BTRC: variants seen among roughly 807,000 people sequenced by gnomAD.
The protein encoded by BTRC is F-box/WD repeat-containing protein 1A.
A neutral mutation model predicts 85.5 loss-of-function variants in BTRC; 42 were observed. That is an observed-to-expected ratio of 0.49 (90% confidence interval 0.38 to 0.64). The LOEUF is 0.64. BTRC is among the 30% of genes least tolerant of loss of function. BTRC has a pLI of 0.00. For synonymous variants in BTRC, 255 were observed against 263.3 expected, an observed-to-expected ratio of 0.97 and a Z score of 0.30; for missense variants, 594 against 743.5, an observed-to-expected ratio of 0.80 and a Z score of 2.34.
chr10:101,363,935 T>G (rs1255275373), intron 1 of BTRC, among the ~76,000 whole-genome samples: 2 of 152,166 alleles, frequency 1.3e-5, no homozygotes, highest in Admixed American at 1.3e-4. Flanking sequence ...AATCACAAAA[T>G]ACCAGCATCT....
At chr10:101,413,639 G>T (rs548708981) in intron 1 of BTRC, among the ~76,000 whole-genome samples, 1 of 152,154 alleles carries the variant, frequency 6.6e-6, no homozygotes, top group East Asian at 1.9e-4. Context: ...TGATGCAAAA[G>T]ATGAAGATGT....
At chr10:101,372,335 C>A (rs1180757560) in intron 1 of BTRC, among the ~76,000 whole-genome samples, 3 of 150,844 alleles carry the variant, frequency 2.0e-5, no homozygotes, top group Non-Finnish European at 4.4e-5. Context: ...TGGCTCACTG[C>A]AACATCTGCC....
At chr10:101,408,957 G>A (rs1201438460) in intron 1 of BTRC, among the ~76,000 whole-genome samples, 1 of 152,190 alleles carries the variant, frequency 6.6e-6, no homozygotes, top group African/African-American at 2.4e-5. Context: ...GCTGAGGCAG[G>A]GCAATCGCTT....
At chr10:101,489,001 G>GTC (rs994214690) in intron 4 of BTRC, among the ~76,000 whole-genome samples, 2 of 152,048 alleles carry the variant, frequency 1.3e-5, no homozygotes, top group Admixed American at 6.5e-5. Flanking sequence ...AGAAACTTAA[G>GTC]TCTCTAATAT....
intron 3 of BTRC, among the ~76,000 whole-genome samples, chr10:101,472,540 G>A (rs921662983): frequency 1.1e-4 from 16 of 151,992 alleles, no homozygotes; most frequent in East Asian, 3.9e-4. Context: ...CCAGCTGGGC[G>A]TGGTGGCTCA....
At chr10:101,547,509 C>G (rs1418055811) in intron 13 of BTRC, among the ~76,000 whole-genome samples, 2 of 151,246 alleles carry the variant, frequency 1.3e-5, no homozygotes, top group Non-Finnish European at 2.9e-5. Context: ...CTCAGCTGAT[C>G]TTTGTATTTT....
chr10:101,388,823 T>G (rs1943152362), intron 1 of BTRC, among the ~76,000 whole-genome samples: 1 of 152,320 alleles, frequency 6.6e-6, no homozygotes, highest in African/African-American at 2.4e-5. Flanking sequence ...TAAGAGATAG[T>G]TGGATATGAT....
At chr10:101,422,710 A>C (rs1416935190) in intron 1 of BTRC, among the ~76,000 whole-genome samples, 1 of 152,206 alleles carries the variant, frequency 6.6e-6, no homozygotes, top group Non-Finnish European at 1.5e-5. Flanking sequence ...TCCCAGCACC[A>C]TTTATTAAAT....
intron 2 of BTRC, among the ~76,000 whole-genome samples, chr10:101,459,991 A>G (rs1473435414): frequency 6.6e-6 from 1 of 152,212 alleles, no homozygotes; most frequent in Non-Finnish European, 1.5e-5. Context: ...AAAAGTAATT[A>G]GGCTCCAAGT....
chr10:101,533,203 T>C, intron 9 of BTRC, 133 bp downstream of exon 9: 1 of 583,494 alleles, frequency 1.7e-6, no homozygotes, highest in Non-Finnish European at 2.9e-6. Context: ...TCCCCATCAT[T>C]TCTGTCAGTC....
At chr10:101,366,789 TTTTTAC>T (rs1376583240) in intron 1 of BTRC, among the ~76,000 whole-genome samples, 17 of 95,910 alleles carry the variant, frequency 1.8e-4, no homozygotes, top group East Asian at 2.9e-4. Flanking sequence ...TATATATATA[TTTTTAC>T]ATTTATATAT....
chr10:101,474,992 T>A (rs1417590079), intron 3 of BTRC, among the ~76,000 whole-genome samples: 1 of 152,228 alleles, frequency 6.6e-6, no homozygotes, highest in African/African-American at 2.4e-5. Context: ...GATTACTTCA[T>A]AAATTTATCT....
At chr10:101,548,666 C>T (rs2062597104) in intron 13 of BTRC, among the ~76,000 whole-genome samples, 1 of 152,058 alleles carries the variant, frequency 6.6e-6, no homozygotes, top group South Asian at 2.1e-4. Flanking sequence ...GCAGGAGAAT[C>T]GCTTGAACCT....
At chr10:101,485,259 C>T (rs941860810) in intron 4 of BTRC, among the ~76,000 whole-genome samples, 1 of 152,164 alleles carries the variant, frequency 6.6e-6, no homozygotes, top group African/African-American at 2.4e-5. Context: ...AGAGTAATTG[C>T]TTGTGCAGTC....
intron 13 of BTRC, among the ~76,000 whole-genome samples, chr10:101,548,242 T>G (rs1308058507): frequency 6.6e-6 from 1 of 152,184 alleles, no homozygotes; most frequent in Non-Finnish European, 1.5e-5. Context: ...CTAGTTGAAA[T>G]GGGTGCATAT....
At chr10:101,507,260 C>T (rs955972231) in intron 4 of BTRC, among the ~76,000 whole-genome samples, 8 of 152,092 alleles carry the variant, frequency 5.3e-5, no homozygotes, top group Admixed American at 1.3e-4. Flanking sequence ...AATAAGCTGT[C>T]GGTTGATTTT....
At chr10:101,542,716 C>T (rs766056705) in intron 13 of BTRC, among the ~76,000 whole-genome samples, 4 of 152,292 alleles carry the variant, frequency 2.6e-5, no homozygotes, top group Middle Eastern at 3.4e-3. Flanking sequence ...GGACCACAGG[C>T]GTGCGCCACC....
At chr10:101,418,464 A>T (rs185728843) in intron 1 of BTRC, among the ~76,000 whole-genome samples, 41 of 151,710 alleles carry the variant, frequency 2.7e-4, no homozygotes. Flanking sequence ...TTATTACAAT[A>T]TTAAATTTTT....
chr10:101,406,472 ATACTC>A (rs2134011917), intron 1 of BTRC, among the ~76,000 whole-genome samples: 1 of 125,382 alleles, frequency 8.0e-6, no homozygotes, highest in East Asian at 2.7e-4. Context: ...CCTACTGCTT[ATACTC>A]TTTGTTCCGA....
Sources: allele counts gnomAD v4.1 joint callset (sites outside exome capture counted in the v4.1 genomes callset), GRCh38; gene constraint gnomAD v4.1.1; transcripts MANE v1.5; gene names NCBI Gene and HGNC (gene_info 2026-07-23, HGNC 2026-07-21).